ATP8A2: variants seen among roughly 807,000 people sequenced by gnomAD.
ATP8A2 encodes phospholipid-transporting ATPase IB.
In ATP8A2, 100 loss-of-function variants were observed where a neutral mutation model predicts 165.6. The ratio of observed to expected loss-of-function variants is 0.60; its 90% confidence interval spans 0.51 to 0.71. The LOEUF (loss-of-function observed/expected upper bound fraction) is 0.71. Among genes scored for constraint, ATP8A2 ranks in the 30% least tolerant of loss-of-function variants. ATP8A2 has a pLI of 0.00. For missense variants in ATP8A2, 1,227 were observed against 1,479.5 expected, an observed-to-expected ratio of 0.83 and a Z score of 2.80; for synonymous variants, 543 against 548.8, an observed-to-expected ratio of 0.99 and a Z score of 0.15.
At chr13:25,550,321 T>G (rs547731741) in intron 10 of ATP8A2, among the ~76,000 whole-genome samples, 1 of 151,862 alleles carries the variant, frequency 6.6e-6, no homozygotes, top group Non-Finnish European at 1.5e-5. Context: ...TAAAATAAAA[T>G]AACATACTCG....
intron 33 of ATP8A2, among the ~76,000 whole-genome samples, chr13:25,934,143 A>C (rs1390584879): frequency 6.6e-6 from 1 of 152,254 alleles, no homozygotes. Flanking sequence ...CAGTTTATGA[A>C]GTGGTGTTAC....
At chr13:25,651,228 A>C (rs2137629836) in intron 24 of ATP8A2, among the ~76,000 whole-genome samples, 1 of 152,226 alleles carries the variant, frequency 6.6e-6, no homozygotes, top group East Asian at 1.9e-4. Flanking sequence ...GTGGATCATG[A>C]GGTCAAGAGA....
chr13:26,013,262 C>T (rs934006411), intron 36 of ATP8A2, among the ~76,000 whole-genome samples: 4 of 152,178 alleles, frequency 2.6e-5, no homozygotes, highest in Non-Finnish European at 5.9e-5. Flanking sequence ...CTGTGTCCTG[C>T]GGCCTTCCCC....
intron 24 of ATP8A2, among the ~76,000 whole-genome samples, chr13:25,693,309 A>G (rs1409007082): frequency 6.6e-6 from 1 of 152,222 alleles, no homozygotes; most frequent in Non-Finnish European, 1.5e-5. Context: ...AGAACTGCAC[A>G]GAAGGGACCT....
intron 24 of ATP8A2, among the ~76,000 whole-genome samples, chr13:25,610,436 T>C (rs1467347733): frequency 6.6e-6 from 1 of 152,144 alleles, no homozygotes; most frequent in Non-Finnish European, 1.5e-5. Context: ...AGTATTTGGC[T>C]TTATTTCTGG....
At chr13:25,721,847 A>G (rs1048500315) in intron 25 of ATP8A2, among the ~76,000 whole-genome samples, 3 of 152,204 alleles carry the variant, frequency 2.0e-5, no homozygotes, top group African/African-American at 7.2e-5. Context: ...TCATCAGTTG[A>G]TGGACATTTA....
At chr13:25,870,807 A>C (rs907506257) in intron 33 of ATP8A2, among the ~76,000 whole-genome samples, 34 of 152,108 alleles carry the variant, frequency 2.2e-4, no homozygotes, top group African/African-American at 8.2e-4. Flanking sequence ...TTTTATCTGA[A>C]GTGACTTACC....
chr13:25,558,924 T>C (rs1566266690), intron 13 of ATP8A2, 49 bp from the exon 14 acceptor site: 1 of 1,291,258 alleles, frequency 7.7e-7, no homozygotes. Flanking sequence ...TTGTTGATCT[T>C]TGCATCTCAA....
At chr13:25,717,665 T>C (rs1311649012) in intron 25 of ATP8A2, among the ~76,000 whole-genome samples, 1 of 152,218 alleles carries the variant, frequency 6.6e-6, no homozygotes, top group African/African-American at 2.4e-5. Flanking sequence ...TGAAGAAATT[T>C]TGAAGGGAAA....
At chr13:25,584,712 GGGATT>G in intron 23 of ATP8A2, among the ~76,000 whole-genome samples, 1 of 152,198 alleles carries the variant, frequency 6.6e-6, no homozygotes, top group African/African-American at 2.4e-5. Flanking sequence ...CTTATTTAGA[GGGATT>G]CACATAGCTT....
chr13:25,758,663 C>T (rs2044315484), intron 25 of ATP8A2, among the ~76,000 whole-genome samples: 1 of 152,218 alleles, frequency 6.6e-6, no homozygotes, highest in African/African-American at 2.4e-5. Context: ...CCACCACCAC[C>T]ACATCTATCT....
intron 34 of ATP8A2, among the ~76,000 whole-genome samples, chr13:25,962,110 C>T (rs1955674013): frequency 6.6e-6 from 1 of 152,102 alleles, no homozygotes; most frequent in Admixed American, 6.6e-5. Context: ...GGAATGTTGC[C>T]TTATATAAAG....
At chr13:25,804,528 G>A (rs1025624187) in intron 27 of ATP8A2, among the ~76,000 whole-genome samples, 7 of 152,032 alleles carry the variant, frequency 4.6e-5, no homozygotes, top group African/African-American at 1.7e-4. Context: ...GTTTCTACAC[G>A]TACAGGACTA....
intron 24 of ATP8A2, among the ~76,000 whole-genome samples, chr13:25,672,834 G>A (rs943715163): frequency 6.6e-6 from 1 of 152,136 alleles, no homozygotes. Context: ...TTAAGACTGT[G>A]AACATGCTTA....
intron 25 of ATP8A2, among the ~76,000 whole-genome samples, chr13:25,763,102 T>C (rs1336034307): frequency 6.6e-6 from 1 of 152,170 alleles, no homozygotes; most frequent in African/African-American, 2.4e-5. Context: ...ATTTCCAGAA[T>C]TTTTTGCTGC....
intron 30 of ATP8A2, among the ~76,000 whole-genome samples, chr13:25,843,988 G>T (rs1355230562): frequency 6.6e-6 from 1 of 152,142 alleles, no homozygotes. Context: ...GATTAAGACT[G>T]CTCTGTAGAG....
At chr13:25,500,917 A>G (rs2036834946) in intron 2 of ATP8A2, among the ~76,000 whole-genome samples, 2 of 152,112 alleles carry the variant, frequency 1.3e-5, no homozygotes, top group Admixed American at 6.5e-5. Context: ...GTATTTTTAC[A>G]TTTTTGAGGC....
intron 2 of ATP8A2, among the ~76,000 whole-genome samples, chr13:25,513,239 G>A (rs1422015591): frequency 2.6e-5 from 4 of 151,926 alleles, no homozygotes; most frequent in Admixed American, 6.5e-5. Context: ...TCACTTCTCA[G>A]ACGGGGCGGC....
intron 16 of ATP8A2, chr13:25,567,397 A>G (rs751256808): frequency 4.4e-6 from 2 of 456,668 alleles, no homozygotes; most frequent in Admixed American, 2.3e-5. Context: ...CACTGTTTAT[A>G]TAAGTTAGTG....
Sources: allele counts gnomAD v4.1 joint callset (sites outside exome capture counted in the v4.1 genomes callset), GRCh38; gene constraint gnomAD v4.1.1; transcripts MANE v1.5; gene names NCBI Gene and HGNC (gene_info 2026-07-23, HGNC 2026-07-21).